The following ZNF224 variants were observed in gnomAD, a reference collection of about 807,000 sequenced individuals.
ZNF224 encodes bone marrow zinc finger 2.
In ZNF224, 8 loss-of-function variants were observed where a neutral mutation model predicts 10.5. That is an observed-to-expected ratio of 0.76 (90% CI 0.45 to 1.37). The LOEUF is 1.37. Among genes scored for constraint, ZNF224 ranks in the 40% most tolerant of loss-of-function variants. The pLI is 0.00. For synonymous variants in ZNF224, 282 were observed against 287.8 expected (o/e 0.98, Z 0.20); for missense variants, 754 against 854.0 (o/e 0.88, Z 1.46).
intron 1 of ZNF224, chr19:44,096,084 C>T (rs900388525): frequency 1.3e-5 from 2 of 151,914 alleles, no homozygotes; most frequent in Non-Finnish European, 2.9e-5. Flanking sequence ...ATATTTCCCC[C>T]TTATGTGTTT....
chr19:44,095,201 C>A (rs562777773), intron 1 of ZNF224: 12 of 225,354 alleles, frequency 5.3e-5, no homozygotes, highest in Admixed American at 2.9e-4. Context: ...TCACCCCAAC[C>A]GAGAGTGTAT....
Position 44,108,352 on chromosome 19 carries a change from A to G in ZNF224, c.*68A>G. 1 of 1,474,780 alleles carries G rather than the reference A, an allele frequency of 6.8e-7. No individual in the cohort carries two copies. Among genetic ancestry groups the G allele is most frequent in the Non-Finnish European group, 9.1e-7 (1 of 1,098,386 alleles). The allele number at this position is 1,474,780 out of a possible 1,614,324, so 91.4% of individuals were successfully genotyped here. On this transcript the variant is annotated 3_prime_UTR_variant, in exon 6 of 6. Coordinates refer to ENST00000693561, the MANE Select transcript of ZNF224 (RefSeq NM_001321645.3). ...TGCAGTCTCATCTGAAAGTTCACAA[A>G]GGAGAGACACATTAAAATATGAGGC...
intron 3 of ZNF224, among the ~76,000 whole-genome samples, chr19:44,099,310 T>G (rs1967502401): frequency 6.6e-6 from 1 of 152,080 alleles, no homozygotes; most frequent in African/African-American, 2.4e-5. Flanking sequence ...CATTTTAAAA[T>G]TCATTATGGG....
chr19:44,107,819 G>C lies in ZNF224; in HGVS notation c.1659G>C (p.Ser553=), dbSNP rs763575758. The C allele has an allele frequency of 1.2e-6, 2 of 1,600,976 alleles. No homozygotes were observed. The highest frequency in any genetic ancestry group is 2.3e-5 in the East Asian group (1 of 44,246). Residue 553 remains serine, a synonymous_variant, in exon 6 of 6, where the codon TCG becomes TCC. Transcript: ENST00000693561. ...KECGKSFGWA[S]CLLKHQRLHS... Reference sequence around the variant, plus strand: ...GTGGGAAGAGTTTTGGCTGGGCCTCGTGTCTTTTGAAACATCAGAGACTGC... The same window carrying C: ...GTGGGAAGAGTTTTGGCTGGGCCTCCTGTCTTTTGAAACATCAGAGACTGC...
chr19:44,097,868 G>A lies in ZNF224; in HGVS notation c.-6G>A, dbSNP rs928550425. 9 of 1,613,840 alleles carry A rather than the reference G, an allele frequency of 5.6e-6. No homozygotes were observed. The highest frequency in any genetic ancestry group is 1.3e-5 in the African/African-American group (1 of 74,896). On this transcript the variant is annotated 5_prime_UTR_variant, in exon 3 of 6. Coordinates refer to ENST00000693561, the MANE Select transcript of ZNF224 (RefSeq NM_001321645.3). ...ACTCTGCAAGTTTCCAGAAGTAAGA[G>A]GGAAAATGACCACGTTCAAGGTGGG... is the stretch of plus-strand genomic sequence containing the variant.
At chr19:44,098,166 G>A (rs1315530176) in intron 3 of ZNF224, among the ~76,000 whole-genome samples, 5 of 152,084 alleles carry the variant, frequency 3.3e-5, no homozygotes, top group African/African-American at 1.2e-4. Context: ...TTTTTATCCT[G>A]TGATACTCTT....
rs751692066 is a variant in ZNF224, at chr19:44,106,706, A to G, written c.546A>G (p.Gly182=). The change falls in exon 6 of 6, where the codon GGA becomes GGG. Residue 182 remains glycine (G), a synonymous_variant. Coordinates refer to ENST00000693561, the MANE Select transcript of ZNF224 (RefSeq NM_001321645.3). Reference sequence around the variant, plus strand: ...AATCTCATACGTGTGATGAGTGTGGAAAGAACTTTTGTTACATCTCAGCCC... The same window carrying G: ...AATCTCATACGTGTGATGAGTGTGGGAAGAACTTTTGTTACATCTCAGCCC... ...GEKSHTCDEC[G]KNFCYISALR... is the part of the protein sequence containing the mutation. 1 of 1,605,404 alleles carries G rather than the reference A, an allele frequency of 6.2e-7. No individual in the cohort carries two copies. Among genetic ancestry groups the G allele is most frequent in the East Asian group, 2.2e-5 (1 of 44,870 alleles).
At chr19:44,104,571 G>C (rs768855948) in intron 5 of ZNF224, among the ~76,000 whole-genome samples, 1 of 152,148 alleles carries the variant, frequency 6.6e-6, no homozygotes, top group Non-Finnish European at 1.5e-5. Context: ...ATCTTGTATT[G>C]TATTCTCCCC....
Position 44,108,412 on chromosome 19 carries a change from C to T in ZNF224, c.*128C>T, listed in dbSNP as rs2147538839. 1.0e-6 allele frequency: 1 copy of T among 965,358 alleles called. No homozygotes were observed. The highest frequency in any genetic ancestry group is 1.5e-6 in the Non-Finnish European group (1 of 666,436). 59.8% of individuals were successfully genotyped at this position (965,358 alleles called of 1,614,324 possible). On this transcript the variant is annotated 3_prime_UTR_variant, in exon 6 of 6. Coordinates refer to ENST00000693561, the MANE Select transcript of ZNF224 (RefSeq NM_001321645.3). ...GCACTTCCCTTTGAGTATTTTATCT[C>T]TGAATCCATGCTGGTGATAAATTTC...
chr19:44,108,148 G>C lies in ZNF224; in HGVS notation c.1988G>C (p.Arg663Thr), dbSNP rs779370011. 1.1e-5 allele frequency: 17 copies of C among 1,614,216 alleles called. No individual in the cohort carries two copies. Among genetic ancestry groups the C allele is most frequent in the Admixed American group, 1.7e-5 (1 of 60,026 alleles). Residue 663 changes from arginine to threonine, a missense_variant, in exon 6 of 6, where the codon AGG (arginine) becomes ACG (threonine). Arg to Thr is a moderately conservative substitution (Grantham distance 71). Transcript: ENST00000693561. ...GAGGACTGTGGGAAGGGCTACAACA[G>C]GCGCTTGAATCTTGATATGCATCAG... ...KCEDCGKGYN[R>T]RLNLDMHQRV...
chr19:44,103,451 GACAA>G (rs567579795), intron 5 of ZNF224, among the ~76,000 whole-genome samples: 48 of 152,120 alleles, frequency 3.2e-4, no homozygotes, highest in Non-Finnish European at 6.2e-4. Flanking sequence ...CCATAACCAG[GACAA>G]ACATTTTTCA....
chr19:44,102,194 C>A (rs937654225), intron 5 of ZNF224, among the ~76,000 whole-genome samples: 1 of 152,178 alleles, frequency 6.6e-6, no homozygotes, highest in South Asian at 2.1e-4. Context: ...CACCTCAAAA[C>A]CTTCTGGCAT....
At position 44,100,730 on chromosome 19, in the gene ZNF224, C is replaced by T. The variant is rs1341935055; in HGVS notation, c.16-71C>T. ...ACAACTTCCCACCCCTCCCCTCTGT[C>T]TGCTCAGTGCCACCCCTCTCCCAGG... On this transcript the variant is annotated intron_variant, in intron 3 of 5. Coordinates refer to ENST00000693561, the MANE Select transcript of ZNF224 (RefSeq NM_001321645.3). 1.9e-6 allele frequency: 3 copies of T among 1,542,152 alleles called. No individual in the cohort carries two copies. In the Admixed American group the frequency reaches 5.8e-5, roughly 30 times the overall value.
At position 44,109,259 on chromosome 19, in the gene ZNF224, A is replaced by G. The variant is rs1967777007; in HGVS notation, c.*975A>G. On this transcript the variant is annotated 3_prime_UTR_variant, in exon 6 of 6. Transcript: ENST00000693561. ...TTTCTTAGTCAATCCTAGATTGATC[A>G]TGATTTGTGATTTCTATGCAGGCCT... 1.3e-5 allele frequency: 2 copies of G among 152,130 alleles called. No homozygotes were observed. Among genetic ancestry groups the G allele is most frequent in the African/African-American group, 4.8e-5 (2 of 41,426 alleles). 9.4% of individuals were successfully genotyped at this position (152,130 alleles called of 1,614,324 possible).
chr19:44,107,297 G>A lies in ZNF224; in HGVS notation c.1137G>A (p.Lys379=), dbSNP rs748691623. Residue 379 remains lysine (K), a synonymous_variant, in exon 6 of 6, where the codon AAG becomes AAA. Coordinates refer to ENST00000693561, the MANE Select transcript of ZNF224 (RefSeq NM_001321645.3). ...EKPYNCKECG[K]SFRWASCLLK... is the part of the protein sequence containing the mutation. Reference sequence around the variant, plus strand: ...CATATAATTGTAAAGAGTGTGGGAAGAGCTTCAGATGGGCCTCGTGTCTTT... The same window carrying A: ...CATATAATTGTAAAGAGTGTGGGAAAAGCTTCAGATGGGCCTCGTGTCTTT... 5 of 1,585,968 alleles carry A rather than the reference G, an allele frequency of 3.2e-6. No individual in the cohort carries two copies. The highest frequency in any genetic ancestry group is 3.4e-6 in the Non-Finnish European group (4 of 1,166,790).
chr19:44,108,128 CTG>C lies in ZNF224; in HGVS notation c.1971_1972del (p.Cys657TrpfsTer11), dbSNP rs1478213690. 1.2e-6 allele frequency: 2 copies of C among 1,613,930 alleles called. No homozygotes were observed. The highest frequency in any genetic ancestry group is 1.7e-6 in the Non-Finnish European group (2 of 1,179,958). On this transcript the variant is annotated frameshift_variant, in exon 6 of 6. Transcript: ENST00000693561. LOFTEE classifies it low-confidence loss of function (END_TRUNC). ...SVEKPYKCED[C>X]GKGYNRRLNL... ...TAGAAAAGCCATACAAATGTGAGGA[CTG>C]TGGGAAGGGCTACAACAGGCGCTTG...
chr19:44,104,997 T>A (rs1405073191), intron 5 of ZNF224, among the ~76,000 whole-genome samples: 3 of 152,204 alleles, frequency 2.0e-5, no homozygotes, highest in Non-Finnish European at 4.4e-5. Context: ...TGAGGCTCCA[T>A]TACATAGCCA....
At chr19:44,096,122 G>A (rs1967431496) in intron 1 of ZNF224, 1 of 151,936 alleles carries the variant, frequency 6.6e-6, no homozygotes, top group Non-Finnish European at 1.5e-5. Context: ...AATGCTGACA[G>A]ACTAAACTAG....
Position 44,107,958 on chromosome 19 carries a change from G to C in ZNF224, c.1798G>C (p.Glu600Gln), listed in dbSNP as rs747003257. 57 of 1,614,116 alleles carry C rather than the reference G, an allele frequency of 3.5e-5. 1 individual carries two copies. In the South Asian group the frequency reaches 4.9e-4, roughly 14 times the overall value. Reference sequence around the variant, plus strand: ...TGGAGAAAAGCCATACAAATGTGATGAGTGTGGGAAGGGCTTCAGCTGGTC... The same window carrying C: ...TGGAGAAAAGCCATACAAATGTGATCAGTGTGGGAAGGGCTTCAGCTGGTC... ...HTGEKPYKCD[E>Q]CGKGFSWSST... Residue 600 changes from glutamate to glutamine, a missense_variant, in exon 6 of 6, where the codon GAG becomes CAG. Glu to Gln is a conservative substitution (Grantham distance 29). Transcript: ENST00000693561.
Sources: gnomAD v4.1 joint callset for allele counts (sites outside exome capture counted in the v4.1 genomes callset) on GRCh38, gnomAD v4.1.1 for gene constraint, MANE v1.5 for transcripts, NCBI Gene and HGNC (gene_info 2026-07-23, HGNC 2026-07-21) for gene names.